The following FGFR4 variants were observed in gnomAD, a reference collection of about 807,000 sequenced individuals.
The protein encoded by FGFR4 is fibroblast growth factor receptor 4, also known as hydroxyaryl-protein kinase.
Under a neutral mutation model 89.9 loss-of-function variants are expected in FGFR4, and 63 were observed. The ratio of observed to expected loss-of-function variants is 0.70; its 90% confidence interval spans 0.57 to 0.86. The LOEUF (loss-of-function observed/expected upper bound fraction) is 0.86. Among genes scored for constraint, FGFR4 ranks in the 40% least tolerant of loss-of-function variants. The pLI, the probability that FGFR4 is intolerant of heterozygous loss-of-function variation, is 0.00. For synonymous variants in FGFR4, 486 were observed against 479.4 expected (o/e 1.01, Z -0.18); for missense variants, 928 against 1,106.7 (o/e 0.84, Z 2.29).
intron 2 of FGFR4, chr5:177,089,953 C>G: frequency 1.5e-6 from 1 of 686,158 alleles, no homozygotes; most frequent in Non-Finnish European, 2.7e-6. Context: ...GAGCTCCTTA[C>G]CTGGGTGTGT....
chr5:177,094,592 C>T (rs1784484866), intron 11 of FGFR4, among the ~76,000 whole-genome samples: 1 of 151,754 alleles, frequency 6.6e-6, no homozygotes, highest in African/African-American at 2.4e-5. Flanking sequence ...TGCACCCAGG[C>T]CCAGCCCCGG....
rs148868458 is a variant in FGFR4 at position 177,093,864 on chromosome 5, C to T, written c.1519+89C>T. On this transcript the variant is annotated intron_variant, in intron 11 of 17. Transcript: ENST00000292408. This position sits in a 1 kb window ranked among gnomAD's most constrained non-coding sequence, Gnocchi z 5.8. ...GGAGGATCGCTTGAATCCAGGAATT[C>T]GAGGCCAGCCTGGGCAACATGGCAA... 1,518 of 1,435,384 alleles carry T rather than the reference C, an allele frequency of 1.1e-3. 11 individuals carry two copies. The African/African-American group carries it at 0.019, about 18-fold the overall frequency. The allele number at this position is 1,435,384 out of a possible 1,614,324, so 88.9% of individuals were successfully genotyped here.
At chr5:177,094,058 GAGACCCTATCTGA>G (rs1784464012) in intron 11 of FGFR4, among the ~76,000 whole-genome samples, 1 of 152,078 alleles carries the variant, frequency 6.6e-6, no homozygotes, top group Non-Finnish European at 1.5e-5. Flanking sequence ...GCAACACAGT[GAGACCCTATCTGA>G]AAAAATAAAT....
intron 2 of FGFR4, chr5:177,089,905 G>A: frequency 1.3e-6 from 1 of 749,690 alleles, no homozygotes; most frequent in South Asian, 1.5e-5. Context: ...TGGCCTTGCA[G>A]GGCGCAGGGC....
In FGFR4 at chr5:177,093,722, T is replaced by C; in HGVS notation, c.1466T>C (p.Met489Thr). Residue 489 changes from methionine (M) to threonine (T), a missense_variant, in exon 11 of 18, where the codon ATG becomes ACG. Met to Thr is a moderately conservative substitution (Grantham distance 81, BLOSUM62 -1). Transcript: ENST00000292408. The surrounding 1 kb of genome is among the most constrained non-coding windows in gnomAD (Gnocchi z 5.8). ...GTAGTACGTGCAGAGGCCTTTGGCATGGACCCTGCCCGGCCTGACCAAGCC... is the reference window on the plus strand; with the variant it reads ...GTAGTACGTGCAGAGGCCTTTGGCACGGACCCTGCCCGGCCTGACCAAGCC... ...GQVVRAEAFG[M>T]DPARPDQAST... The C allele has an allele frequency of 6.2e-7, 1 of 1,614,078 alleles. No homozygotes were observed. The highest frequency in any genetic ancestry group is 8.5e-7 in the Non-Finnish European group (1 of 1,180,032).
chr5:177,088,724 G>A (rs772202320), intron 1 of FGFR4, among the ~76,000 whole-genome samples: 10 of 152,202 alleles, frequency 6.6e-5, no homozygotes, highest in Non-Finnish European at 1.2e-4. Context: ...AACAGCATCC[G>A]AACCAGAGGT....
chr5:177,092,535 C>A, intron 7 of FGFR4, 24 bp downstream of exon 7: 1 of 1,563,344 alleles, frequency 6.4e-7, no homozygotes, highest in Non-Finnish European at 8.7e-7. Flanking sequence ...CCTGCTGCAG[C>A]CTGGGCCCCA....
In FGFR4 at chr5:177,091,069, G is replaced by A. The variant is rs546558669; in HGVS notation, c.568G>A (p.Ala190Thr). ...PTIRWLKDGQ[A>T]FHGENRIGGI... Reference sequence around the variant, plus strand: ...CATCCGCTGGCTTAAGGATGGACAGGCCTTTCATGGGGAGAACCGCATTGG... The same window carrying A: ...CATCCGCTGGCTTAAGGATGGACAGACCTTTCATGGGGAGAACCGCATTGG... The change falls in exon 5 of 18, where the codon GCC (alanine) becomes ACC (threonine). Residue 190 changes from alanine (A) to threonine (T), a missense_variant. By Grantham distance (58) the Ala-to-Thr change is moderately conservative. Around this residue, in one of 5 missense-constraint regions of FGFR4, gnomAD observed 741 missense variants for 836.9 expected, o/e 0.89. Coordinates refer to ENST00000292408, the MANE Select transcript of FGFR4 (RefSeq NM_213647.3). 6.9e-6 allele frequency: 11 copies of A among 1,597,692 alleles called. No individual in the cohort carries two copies. In the East Asian group the frequency reaches 2.3e-4, roughly 33 times the overall value.
rs1329899691 is a variant in FGFR4 at position 177,096,475 on chromosome 5, A to C, written c.2015+118A>C. 48 of 1,520,758 alleles carry C rather than the reference A, an allele frequency of 3.2e-5. 1 individual carries two copies. The East Asian group carries it at 1.1e-3, about 35-fold the overall frequency. The allele number at this position is 1,520,758 out of a possible 1,614,324, so 94.2% of individuals were successfully genotyped here. A position where few individuals can be genotyped will look rare whatever the true frequency, so the allele number is the denominator to read the frequency against. On this transcript the variant is annotated intron_variant, in intron 15 of 17. Transcript: ENST00000292408. ...TCCTTCAGATTTGGTCTGGGACCCG[A>C]GTGGGCCCAGACTCCAGGAGGAGCC...
intron 17 of FGFR4, 56 bp downstream of exon 17, chr5:177,097,453 T>C: frequency 6.3e-7 from 1 of 1,584,290 alleles, no homozygotes; most frequent in Non-Finnish European, 8.6e-7. Flanking sequence ...AGGCCTCATC[T>C]GGCCTGACCG....
chr5:177,093,051 T>TC lies in FGFR4; in HGVS notation c.1058-87_1058-86insC. 6.5e-7 allele frequency: 1 copy of TC among 1,546,658 alleles called. No individual in the cohort carries two copies. Among genetic ancestry groups the TC allele is most frequent in the Non-Finnish European group, 8.9e-7 (1 of 1,122,722 alleles). On this transcript the variant is annotated intron_variant, in intron 8 of 17. Transcript: ENST00000292408. This position sits in a 1 kb window ranked among gnomAD's most constrained non-coding sequence, Gnocchi z 5.8. ...GTGTGTCCCCACATATGTTGGGAGC[T>TC]GGGAGGGACTGAGTTAGGGTGCACG...
chr5:177,090,344 T>G (rs771377425), intron 2 of FGFR4, 46 bp from the exon 3 acceptor site: 1 of 1,599,070 alleles, frequency 6.3e-7, no homozygotes, highest in South Asian at 1.1e-5. Context: ...GGAGGCTGCC[T>G]CAGATGGGGC....
chr5:177,092,609 GC>G, intron 7 of FGFR4, 36 bp from the exon 8 acceptor site: 1 of 1,582,958 alleles, frequency 6.3e-7, no homozygotes, highest in Non-Finnish European at 8.6e-7. Context: ...GTGGCCCCAG[GC>G]CCTGCTGTGA....
intron 16 of FGFR4, 113 bp downstream of exon 16, chr5:177,096,854 G>GC: frequency 1.8e-6 from 2 of 1,081,854 alleles, no homozygotes; most frequent in African/African-American, 4.3e-5. Context: ...ACAACTCCTC[G>GC]TCCTCCTCCT....
intron 1 of FGFR4, among the ~76,000 whole-genome samples, chr5:177,088,712 G>C (rs1784242353): frequency 6.6e-6 from 1 of 152,230 alleles, no homozygotes; most frequent in Non-Finnish European, 1.5e-5. Flanking sequence ...CAGCCTGACA[G>C]TAACAGCATC....
intron 16 of FGFR4, 113 bp downstream of exon 16, chr5:177,096,854 GTCCTCCTCCTCCTCT>G (rs1562077336): frequency 4.2e-5 from 45 of 1,081,912 alleles, no homozygotes; most frequent in African/African-American, 2.6e-4. Flanking sequence ...ACAACTCCTC[GTCCTCCTCCTCCTCT>G]TCCTCTTCCT....
At position 177,095,631 on chromosome 5, in the gene FGFR4, C is replaced by G; in HGVS notation, c.1729C>G (p.Pro577Ala). 6.2e-7 allele frequency: 1 copy of G among 1,606,274 alleles called. No homozygotes were observed. Among genetic ancestry groups the G allele is most frequent in the South Asian group, 1.1e-5 (1 of 89,830 alleles). The stretch of plus-strand genomic sequence containing the variant: ...AGGCCCCGACCTCAGCCCCGACGGT[C>G]CTCGGAGCAGTGAGGGGCCGCTCTC... ...PPGPDLSPDG[P>A]RSSEGPLSFP... The change falls in exon 13 of 18, where the codon CCT (proline) becomes GCT (alanine). Residue 577 changes from proline (P) to alanine (A), a missense_variant. Pro to Ala is a conservative substitution (Grantham distance 27). This residue lies in a region of FGFR4 where 741 missense variants were observed against 836.9 expected (regional missense o/e 0.89). Transcript: ENST00000292408. This position sits in a 1 kb window ranked among gnomAD's most constrained non-coding sequence, Gnocchi z 5.7.
rs374918004 is a variant in FGFR4, at chr5:177,095,615, C to G, written c.1713C>G (p.Asp571Glu). The change falls in exon 13 of 18, where the codon GAC (aspartate) becomes GAG (glutamate). Residue 571 changes from aspartate to glutamate, a missense_variant. Asp to Glu is a conservative substitution (Grantham distance 45). Coordinates refer to ENST00000292408, the MANE Select transcript of FGFR4 (RefSeq NM_213647.3). This position sits in a 1 kb window ranked among gnomAD's most constrained non-coding sequence, Gnocchi z 5.7. ...GGGCCCGGCGCCCCCCAGGCCCCGA[C>G]CTCAGCCCCGACGGTCCTCGGAGCA... is the stretch of plus-strand genomic sequence containing the variant. ...FLRARRPPGP[D>E]LSPDGPRSSE... The G allele has an allele frequency of 1.2e-6, 2 of 1,605,616 alleles. No individual in the cohort carries two copies. Among genetic ancestry groups the G allele is most frequent in the South Asian group, 2.2e-5 (2 of 89,862 alleles).
intron 11 of FGFR4, chr5:177,094,907 C>T: frequency 5.5e-6 from 1 of 182,152 alleles, no homozygotes; most frequent in Non-Finnish European, 1.2e-5. Context: ...GGAAGCCAGG[C>T]CCTGGTCAAA....
Sources: gnomAD v4.1 joint callset for allele counts (sites outside exome capture counted in the v4.1 genomes callset) on GRCh38, gnomAD v4.1.1 for gene constraint, gnomAD v4.1.1 regional missense constraint, Gnocchi (gnomAD v3.1) non-coding constraint, MANE v1.5 for transcripts, NCBI Gene and HGNC (gene_info 2026-07-23, HGNC 2026-07-21) for gene names.